TRIP12: variants seen among roughly 807,000 people sequenced by gnomAD.
The protein encoded by TRIP12 is thyroid hormone receptor interactor 12.
Under a neutral mutation model 244.2 loss-of-function variants are expected in TRIP12, and 25 were observed. The ratio of observed to expected loss-of-function variants is 0.10; its 90% confidence interval spans 0.07 to 0.14. TRIP12 has a LOEUF of 0.14. Ranked by LOEUF, TRIP12 falls within the 10% of genes least tolerant of loss-of-function variation. The probability of loss-of-function intolerance (pLI) is 1.00; values close to 1 mark genes in which losing one functional copy is unlikely to be tolerated. For missense variants in TRIP12, 1,677 were observed against 2,486.4 expected, an observed-to-expected ratio of 0.67 and a Z score of 6.92; for synonymous variants, 905 against 873.1, an observed-to-expected ratio of 1.04 and a Z score of -0.64.
intron 39 of TRIP12, among the ~76,000 whole-genome samples, chr2:229,770,937 C>T (rs1027415197): frequency 2.6e-5 from 4 of 152,200 alleles, no homozygotes; most frequent in African/African-American, 7.2e-5. Context: ...TAATAAACCT[C>T]TTTCTTTTGT....
intron 41 of TRIP12, among the ~76,000 whole-genome samples, chr2:229,768,132 T>C (rs1479405227): frequency 6.6e-6 from 1 of 152,124 alleles, no homozygotes; most frequent in Non-Finnish European, 1.5e-5. Context: ...TGCTGTGTTG[T>C]GCCTGTAGTC....
intron 2 of TRIP12, among the ~76,000 whole-genome samples, chr2:229,869,732 C>T (rs1298223472): frequency 1.3e-5 from 2 of 152,160 alleles, no homozygotes; most frequent in Admixed American, 1.3e-4. Context: ...CCAAAAGAGG[C>T]ATTATTAAAA....
chr2:229,851,654 C>A (rs139309153), intron 4 of TRIP12, among the ~76,000 whole-genome samples: 59 of 152,268 alleles, frequency 3.9e-4, no homozygotes, highest in African/African-American at 1.3e-3. Flanking sequence ...TAACACTCAC[C>A]GCGAAGATCT....
chr2:229,795,110 C>T, intron 26 of TRIP12, 69 bp downstream of exon 26: 1 of 1,542,838 alleles, frequency 6.5e-7, no homozygotes. Flanking sequence ...AGACCTCTTG[C>T]CATCTTACTT....
At chr2:229,881,428 T>C (rs948249958) in intron 1 of TRIP12, among the ~76,000 whole-genome samples, 1 of 152,208 alleles carries the variant, frequency 6.6e-6, no homozygotes, top group Non-Finnish European at 1.5e-5. Context: ...ACATATGACA[T>C]TATAGAAACT....
chr2:229,922,700 C>T (rs1326446812), upstream of TRIP12: 3 of 1,335,646 alleles, frequency 2.2e-6, no homozygotes, highest in African/African-American at 4.4e-5. Flanking sequence ...CCAAGAGCAA[C>T]CGTAGCCCGC....
Position 229,840,944 on chromosome 2 carries a change from GA to G in TRIP12, c.1028-18del. ...TTCTTAAACCTATCCACAGAAAATG[GA>G]AAAGTGTAATTTTATAATGAGAAAT... On this transcript the variant is annotated intron_variant, in intron 4 of 41. Transcript: ENST00000675903. 6.5e-7 allele frequency: 1 copy of G among 1,536,002 alleles called. No homozygotes were observed. Among genetic ancestry groups the G allele is most frequent in the South Asian group, 1.2e-5 (1 of 81,640 alleles).
At chr2:229,878,374 C>T (rs377653428) in intron 2 of TRIP12, among the ~76,000 whole-genome samples, 2 of 150,772 alleles carry the variant, frequency 1.3e-5, no homozygotes, top group East Asian at 4.0e-4. Flanking sequence ...CGCTTGAACC[C>T]GGGAGGTGGA....
rs930149245 is a variant in TRIP12, at chr2:229,804,162, C to T, written c.2716G>A (p.Ala906Thr). The change falls in exon 19 of 42, where the codon GCT becomes ACT. Residue 906 changes from alanine to threonine, a missense_variant. Around this residue, in one of 11 missense-constraint regions of TRIP12, gnomAD observed 572 missense variants for 867.8 expected, o/e 0.66. Transcript: ENST00000675903. ...AQLMKEDPELAKSFIKTLFGV... is the reference protein window; with the variant it reads ...AQLMKEDPELTKSFIKTLFGV... ...AATAATGTCTTAATAAAAGACTTAG[C>T]CAGTTCCGGATCCTCTTTCATAAGC... 1.2e-6 allele frequency: 2 copies of T among 1,613,930 alleles called. No homozygotes were observed. Among genetic ancestry groups the T allele is most frequent in the African/African-American group, 2.7e-5 (2 of 74,882 alleles).
chr2:229,769,828 G>A (rs1320928149), intron 39 of TRIP12, among the ~76,000 whole-genome samples: 3 of 152,158 alleles, frequency 2.0e-5, no homozygotes, highest in Admixed American at 6.5e-5. Context: ...GCATGTCTAC[G>A]CTACATGGTT....
chr2:229,814,996 C>A, intron 11 of TRIP12, 103 bp downstream of exon 11: 1 of 873,728 alleles, frequency 1.1e-6, no homozygotes. Context: ...ATTTCTCGGG[C>A]TAAAAAATAT....
At chr2:229,842,709 C>T (rs1406209538) in intron 4 of TRIP12, among the ~76,000 whole-genome samples, 1 of 152,096 alleles carries the variant, frequency 6.6e-6, no homozygotes, top group Non-Finnish European at 1.5e-5. Context: ...CAGTAATAGA[C>T]AGTAGCACAC....
chr2:229,789,647 T>C lies in TRIP12; in HGVS notation c.4659A>G (p.Leu1553=). The C allele has an allele frequency of 6.2e-7, 1 of 1,614,046 alleles. No homozygotes were observed. The highest frequency in any genetic ancestry group is 1.7e-4 in the Middle Eastern group (1 of 6,056). The change falls in exon 31 of 42, where the codon TTA becomes TTG. Residue 1553 remains leucine (L), a synonymous_variant. Transcript: ENST00000675903. The part of the protein sequence containing the change: ...SLDVILLLRV[L]HAISRYWYYL... ...AATACCAGTATCGACTGATAGCATG[T>C]AAAACTCTTAAAAGAAGGATCACAT...
At position 229,880,070 on chromosome 2, in the gene TRIP12, G is replaced by A. The variant is rs2064510689; in HGVS notation, c.10C>T (p.Arg4Trp). The A allele has an allele frequency of 1.2e-6, 2 of 1,613,984 alleles. No individual in the cohort carries two copies. Among genetic ancestry groups the A allele is most frequent in the Non-Finnish European group, 1.7e-6 (2 of 1,180,008 alleles). Residue 4 changes from arginine to tryptophan, a missense_variant, in exon 2 of 42, where the codon CGG becomes TGG. Transcript: ENST00000675903. ...GACCCCCCTGGATTGTTATTAGGCC[G>A]GTTGGACATTGGCACCTCTCTCTTG... MSNRPNNNPGGSLR... is the reference protein window; with the variant it reads MSNWPNNNPGGSLR...
intron 1 of TRIP12, among the ~76,000 whole-genome samples, chr2:229,917,380 C>CAAAAA (rs60397605): frequency 0.011 from 327 of 29,260 alleles, 88 homozygotes; most frequent in East Asian, 0.039. Flanking sequence ...GACTCTGTCT[C>CAAAAA]AAAAAAAAAA....
chr2:229,838,354 G>C (rs529879427), intron 5 of TRIP12, among the ~76,000 whole-genome samples: 1 of 152,276 alleles, frequency 6.6e-6, no homozygotes, highest in East Asian at 1.9e-4. Flanking sequence ...CCCTCAAGGA[G>C]TGCTACTCTA....
rs1431639430 is a variant in TRIP12 at position 229,778,466 on chromosome 2, T to C, written c.5331A>G (p.Lys1777=). ...AATCCATGATAGCCTTGGCCATTAATTTTCCTAAGAAGCGAAACTTCATCT... is the reference window on the plus strand; with the variant it reads ...AATCCATGATAGCCTTGGCCATTAACTTTCCTAAGAAGCGAAACTTCATCT... ...KVKMKFRFLG[K]LMAKAIMDFR... Residue 1777 remains lysine, a synonymous_variant, in exon 36 of 42, where the codon AAA becomes AAG. Coordinates refer to ENST00000675903, the MANE Select transcript of TRIP12 (RefSeq NM_001348323.3). This position sits in a 1 kb window ranked among gnomAD's most constrained non-coding sequence, Gnocchi z 4.1. The C allele has an allele frequency of 3.1e-6, 5 of 1,614,042 alleles. No individual in the cohort carries two copies. The highest frequency in any genetic ancestry group is 3.4e-6 in the Non-Finnish European group (4 of 1,179,922).
At chr2:229,823,287 A>G in intron 8 of TRIP12, among the ~76,000 whole-genome samples, 1 of 152,222 alleles carries the variant, frequency 6.6e-6, no homozygotes, top group East Asian at 1.9e-4. Context: ...TATATAGTCA[A>G]GCTATTAAAA....
At chr2:229,792,348 T>C in intron 27 of TRIP12, 122 bp from the exon 28 acceptor site, 2 of 941,196 alleles carry the variant, frequency 2.1e-6, no homozygotes, top group South Asian at 3.1e-5. Context: ...ATCCCTTATC[T>C]GAAATGCTTG....
Sources: allele counts gnomAD v4.1 joint callset (sites outside exome capture counted in the v4.1 genomes callset), GRCh38; gene constraint gnomAD v4.1.1; regional missense constraint gnomAD v4.1.1; non-coding constraint Gnocchi (gnomAD v3.1); transcripts MANE v1.5; gene names NCBI Gene and HGNC (gene_info 2026-07-23, HGNC 2026-07-21).